GALK2: variants seen among roughly 807,000 people sequenced by gnomAD.
GALK2 encodes N-acetylgalactosamine kinase.
A neutral mutation model predicts 52.4 loss-of-function variants in GALK2; 36 were observed. The ratio of observed to expected loss-of-function variants is 0.69; its 90% CI spans 0.53 to 0.91. The LOEUF (loss-of-function observed/expected upper bound fraction) is 0.91. GALK2 is among the 40% of genes least tolerant of loss of function. The pLI, the probability that GALK2 is intolerant of heterozygous loss-of-function variation, is 0.00. For synonymous variants in GALK2, 176 were observed against 199.1 expected (o/e 0.88, Z 0.98); for missense variants, 579 against 559.1 (o/e 1.04, Z -0.36).
intron 3 of GALK2, among the ~76,000 whole-genome samples, chr15:49,346,652 C>G (rs574463573): frequency 6.6e-6 from 1 of 152,196 alleles, no homozygotes; most frequent in East Asian, 1.9e-4. Flanking sequence ...TCTTGTATCC[C>G]TTAGAGATAG....
At chr15:49,210,532 C>T (rs180861729) in intron 2 of GALK2, among the ~76,000 whole-genome samples, 4 of 151,824 alleles carry the variant, frequency 2.6e-5, no homozygotes, top group Non-Finnish European at 5.9e-5. Context: ...GTCTGCCTCC[C>T]AGATTCAAGT....
intron 3 of GALK2, among the ~76,000 whole-genome samples, chr15:49,347,051 C>A (rs2041610084): frequency 1.3e-5 from 2 of 152,198 alleles, no homozygotes; most frequent in African/African-American, 2.4e-5. Flanking sequence ...TACCCAGATT[C>A]TAAATGGCCT....
In GALK2 at chr15:49,328,899, C is replaced by CTTAA. The variant is rs1264979046; in HGVS notation, c.*742_*745dup. On this transcript the variant is annotated 3_prime_UTR_variant, in exon 10 of 10. Coordinates refer to ENST00000560031, the MANE Select transcript of GALK2 (RefSeq NM_002044.4). ...TTTTGGCCCTGAGCTATCTCCATTA[C>CTTAA]TTAATAGAAAAACTTAGATAAAAAA... The CTTAA allele has an allele frequency of 4.8e-6, 6 of 1,249,966 alleles. No individual in the cohort carries two copies. The highest frequency in any genetic ancestry group is 1.5e-5 in the African/African-American group (1 of 66,336). The allele number at this position is 1,249,966 out of a possible 1,614,324, so 77.4% of individuals were successfully genotyped here. A position where few individuals can be genotyped will look rare whatever the true frequency, so the allele number is the denominator to read the frequency against.
intron 3 of GALK2, among the ~76,000 whole-genome samples, chr15:49,227,438 A>G (rs958797573): frequency 1.3e-5 from 2 of 151,946 alleles, no homozygotes; most frequent in African/African-American, 4.8e-5. Context: ...TGATATAAGC[A>G]TGGCTATTCC....
intron 5 of GALK2, among the ~76,000 whole-genome samples, chr15:49,267,596 C>T (rs1313076296): frequency 6.6e-6 from 1 of 152,130 alleles, no homozygotes; most frequent in Non-Finnish European, 1.5e-5. Flanking sequence ...ATGGTTTTAT[C>T]ACTTAAACCC....
At chr15:49,339,696 C>T (rs2040373522) in intron 3 of GALK2, among the ~76,000 whole-genome samples, 1 of 152,134 alleles carries the variant, frequency 6.6e-6, no homozygotes, top group South Asian at 2.1e-4. Flanking sequence ...CAAGTATGGA[C>T]GTTTAAGTTT....
chr15:49,204,985 A>G (rs1484950611), intron 2 of GALK2, among the ~76,000 whole-genome samples: 1 of 152,238 alleles, frequency 6.6e-6, no homozygotes, highest in Non-Finnish European at 1.5e-5. Flanking sequence ...TTAACTTAGA[A>G]TAATAGTCTC....
chr15:49,251,040 A>G (rs571018110), intron 5 of GALK2, among the ~76,000 whole-genome samples: 3 of 152,300 alleles, frequency 2.0e-5, no homozygotes, highest in East Asian at 3.9e-4. Flanking sequence ...AACAAAGAAC[A>G]CTTCCCAACT....
At chr15:49,201,136 C>G (rs774135854) in intron 1 of GALK2, 26 bp from the exon 2 acceptor site, 1 of 1,299,682 alleles carries the variant, frequency 7.7e-7, no homozygotes, top group Non-Finnish European at 1.1e-6. Context: ...ATATGATATT[C>G]TGAAATATTG....
At chr15:49,366,765 T>A in intron 3 of GALK2, 1 of 690,624 alleles carries the variant, frequency 1.4e-6, no homozygotes, top group East Asian at 2.9e-5. Flanking sequence ...CTGCGCTGCC[T>A]CCGTGGCGGG....
downstream of GALK2, chr15:49,331,952 G>A (rs1182299663): frequency 9.6e-6 from 7 of 726,046 alleles, no homozygotes; most frequent in Admixed American, 2.1e-5. Context: ...CTGGGCATTC[G>A]TCAAGCACTT....
At position 49,367,309 on chromosome 15, in the gene GALK2, C is replaced by A. The variant is rs1029751582; in HGVS notation, c.427-182C>A. The A allele has an allele frequency of 9.9e-6, 7 of 707,316 alleles. No homozygotes were observed. The African/African-American group carries it at 1.3e-4, about 13-fold the overall frequency. 43.8% of individuals were successfully genotyped at this position (707,316 alleles called of 1,614,324 possible). A position where few individuals can be genotyped will look rare whatever the true frequency, so the allele number is the denominator to read the frequency against. On this transcript the variant is annotated intron_variant, in intron 3 of 3. Transcript: ENST00000558399. The stretch of plus-strand genomic sequence containing the variant: ...CCAAACATACTACCAAAGTTTTAAG[C>A]ATAAGTAAATATTAATACTAAACAG...
chr15:49,242,760 G>A (rs532260216), intron 5 of GALK2, among the ~76,000 whole-genome samples: 11 of 152,228 alleles, frequency 7.2e-5, no homozygotes, highest in Non-Finnish European at 2.9e-5. Context: ...GTACAAGAGA[G>A]TATGATGTGG....
chr15:49,189,032 G>A (rs935566021), intron 1 of GALK2, among the ~76,000 whole-genome samples: 1 of 152,132 alleles, frequency 6.6e-6, no homozygotes, highest in Admixed American at 6.5e-5. Flanking sequence ...TTACCATGCA[G>A]GCTAAAACTG....
At chr15:49,366,601 T>C in intron 3 of GALK2, 1 of 1,600,688 alleles carries the variant, frequency 6.2e-7, no homozygotes, top group Non-Finnish European at 8.6e-7. Flanking sequence ...CATGCAAGAT[T>C]GCTTCCTGAG....
At chr15:49,261,606 T>A (rs1334807618) in intron 5 of GALK2, among the ~76,000 whole-genome samples, 1 of 151,200 alleles carries the variant, frequency 6.6e-6, no homozygotes, top group African/African-American at 2.4e-5. Context: ...AACACTATGT[T>A]GAATAGGAGT....
chr15:49,367,309 C>T (rs1029751582), intron 3 of GALK2: 1 of 707,436 alleles, frequency 1.4e-6, no homozygotes, highest in Non-Finnish European at 2.1e-6. Flanking sequence ...AAGTTTTAAG[C>T]ATAAGTAAAT....
intron 8 of GALK2, among the ~76,000 whole-genome samples, chr15:49,299,739 C>CTTTCTTTCTTTCTTTCTTTCTTTTTTTTT (rs2034847926): frequency 6.5e-5 from 5 of 76,382 alleles, no homozygotes; most frequent in African/African-American, 2.1e-4. Context: ...TCTTTCTTTT[C>CTTTCTTTCTTTCTTTCTTTCTTTTTTTTT]TTTCTTTCTT....
chr15:49,331,782 G>T lies in GALK2; in HGVS notation c.*3623G>T. 6.3e-7 allele frequency: 1 copy of T among 1,586,108 alleles called. No individual in the cohort carries two copies. The highest frequency in any genetic ancestry group is 8.7e-7 in the Non-Finnish European group (1 of 1,154,702). On this transcript the variant is annotated 3_prime_UTR_variant, in exon 10 of 10. Coordinates refer to ENST00000560031, the MANE Select transcript of GALK2 (RefSeq NM_002044.4). ...TTATTTTCAGAAAGAAAACCTACCA[G>T]TTTATGTAGGAACTTCTCAAAGTCC...
Sources: allele counts gnomAD v4.1 joint callset (sites outside exome capture counted in the v4.1 genomes callset), GRCh38; gene constraint gnomAD v4.1.1; transcripts MANE v1.5; gene names NCBI Gene and HGNC (gene_info 2026-07-23, HGNC 2026-07-21).